ZNF430: variants seen among roughly 807,000 people sequenced by gnomAD.
The protein encoded by ZNF430 is zinc finger protein 430.
Under a neutral mutation model 56.7 loss-of-function variants are expected in ZNF430, and 35 were observed. That is an observed-to-expected ratio of 0.62 (90% CI 0.47 to 0.82). The LOEUF (loss-of-function observed/expected upper bound fraction) is 0.82, where lower values mean the gene tolerates loss of function less well. Among genes scored for constraint, ZNF430 ranks in the 40% least tolerant of loss-of-function variants. The pLI, the probability that ZNF430 is intolerant of heterozygous loss-of-function variation, is 0.00. For synonymous variants in ZNF430, 212 were observed against 224.3 expected (o/e 0.94, Z 0.49); for missense variants, 574 against 661.0 (o/e 0.87, Z 1.44).
chr19:21,033,983 T>C lies in ZNF430; in HGVS notation c.224-103T>C, dbSNP rs938298727. ...CTGTTATAAATTAGTATTTTTAGGATTAATTTTCTAGAATATTCTACCACA... is the reference window on the plus strand; with the variant it reads ...CTGTTATAAATTAGTATTTTTAGGACTAATTTTCTAGAATATTCTACCACA... On this transcript the variant is annotated intron_variant, in intron 3 of 4. Coordinates refer to ENST00000261560, the MANE Select transcript of ZNF430 (RefSeq NM_025189.4). 1.1e-5 allele frequency: 9 copies of C among 844,012 alleles called. No individual in the cohort carries two copies. In the African/African-American group the frequency reaches 1.6e-4, roughly 15 times the overall value. The allele number at this position is 844,012 out of a possible 1,614,324, so 52.3% of individuals were successfully genotyped here.
intron 4 of ZNF430, among the ~76,000 whole-genome samples, chr19:21,037,398 G>A (rs889699977): frequency 5.9e-5 from 9 of 152,152 alleles, no homozygotes; most frequent in Non-Finnish European, 1.0e-4. Flanking sequence ...GATTACAGGT[G>A]TGAGTCACAC....
chr19:21,027,615 C>T lies in ZNF430; in HGVS notation c.96+4734C>T, dbSNP rs908763043. Among the ~76,000 whole-genome samples, 4 of 151,300 alleles carry T rather than the reference C, an allele frequency of 2.6e-5. No individual in the cohort carries two copies. The East Asian group carries it at 7.8e-4, about 29-fold the overall frequency. On this transcript the variant is annotated intron_variant, in intron 2 of 4. Coordinates refer to ENST00000261560, the MANE Select transcript of ZNF430 (RefSeq NM_025189.4). ...TGAAGTTTTCTTTTTTTTTTAATCT[C>T]TGCCAGGTTTTGATATCAGAATGAT...
intron 4 of ZNF430, among the ~76,000 whole-genome samples, chr19:21,044,278 AT>A (rs1968152949): frequency 1.3e-5 from 2 of 152,114 alleles, no homozygotes; most frequent in South Asian, 4.1e-4. Flanking sequence ...TTTATTGAGC[AT>A]TTTTAACATG....
At chr19:21,046,935 C>T (rs932830937) in intron 4 of ZNF430, among the ~76,000 whole-genome samples, 1 of 152,142 alleles carries the variant, frequency 6.6e-6, no homozygotes, top group East Asian at 1.9e-4. Context: ...TGTTTTCTAA[C>T]TTGGTTCCAT....
chr19:21,040,929 C>G (rs1172209507), intron 4 of ZNF430, among the ~76,000 whole-genome samples: 3 of 152,066 alleles, frequency 2.0e-5, no homozygotes, highest in Non-Finnish European at 4.4e-5. Flanking sequence ...CATGTTAGTA[C>G]TTGACTTAAA....
At chr19:21,054,172 C>T (rs747902836) in intron 4 of ZNF430, among the ~76,000 whole-genome samples, 24 of 152,066 alleles carry the variant, frequency 1.6e-4, no homozygotes, top group South Asian at 4.2e-4. Flanking sequence ...AAAATGTTTT[C>T]TGCACCATTA....
At chr19:21,027,162 C>G (rs1967818272) in intron 2 of ZNF430, among the ~76,000 whole-genome samples, 1 of 152,044 alleles carries the variant, frequency 6.6e-6, no homozygotes, top group East Asian at 1.9e-4. Context: ...TCTGATTGCT[C>G]TGGCCAGGAT....
chr19:21,030,017 G>A (rs575809547), intron 2 of ZNF430, among the ~76,000 whole-genome samples: 21 of 151,864 alleles, frequency 1.4e-4, no homozygotes, highest in African/African-American at 4.8e-4. Flanking sequence ...TTCTAGAGCT[G>A]GTGCTCACAA....
chr19:21,027,484 C>T (rs1208409734), intron 2 of ZNF430, among the ~76,000 whole-genome samples: 1 of 152,152 alleles, frequency 6.6e-6, no homozygotes, highest in African/African-American at 2.4e-5. Context: ...CCCAGAGATG[C>T]AGCCTACTTG....
At chr19:21,052,298 T>C (rs1345171465) in intron 4 of ZNF430, among the ~76,000 whole-genome samples, 1 of 152,228 alleles carries the variant, frequency 6.6e-6, no homozygotes, top group Non-Finnish European at 1.5e-5. Flanking sequence ...CCTGATATTG[T>C]TGAGGTGTCT....
At chr19:21,029,356 T>C (rs147630501) in intron 2 of ZNF430, among the ~76,000 whole-genome samples, 30 of 151,632 alleles carry the variant, frequency 2.0e-4, no homozygotes, top group African/African-American at 7.3e-4. Context: ...TTTACTTTGC[T>C]AAGAATATAT....
Position 21,041,754 on chromosome 19 carries a change from G to A in ZNF430, c.322+7570G>A, listed in dbSNP as rs185232809. 8.7e-4 allele frequency among the ~76,000 whole-genome samples: 132 copies of A among 152,048 alleles called. 3 individuals are homozygous for A. Among genetic ancestry groups the A allele is most frequent in the Admixed American group, 5.5e-3 (84 of 15,274 alleles). The stretch of plus-strand genomic sequence containing the variant: ...TGTTGAGACAGAGTCTTGCTCTGTC[G>A]CCAGGCTGGAGTGCTGTGGCATGAT... On this transcript the variant is annotated intron_variant, in intron 4 of 4. Transcript: ENST00000261560.
intron 2 of ZNF430, among the ~76,000 whole-genome samples, chr19:21,025,645 G>T (rs113742088): frequency 0.071 from 10,785 of 151,880 alleles, 468 homozygotes; most frequent in Non-Finnish European, 0.086. Flanking sequence ...GGAGTGCAAC[G>T]GCATCATCTC....
chr19:21,054,669 C>CTTTTTTTTTTTTTTTTT lies in ZNF430; in HGVS notation c.323-1954_323-1938dup, dbSNP rs55772412. Among the ~76,000 whole-genome samples, 24 of 65,594 alleles carry CTTTTTTTTTTTTTTTTT rather than the reference C, an allele frequency of 3.7e-4. 2 individuals carry two copies. Among genetic ancestry groups the CTTTTTTTTTTTTTTTTT allele is most frequent in the African/African-American group, 1.4e-3 (22 of 15,714 alleles). The allele number at this position is 65,594 out of a possible 152,430, so 43.0% of individuals were successfully genotyped here. ...TTTTTGAGCTTCTTCATTTTTACGT[C>CTTTTTTTTTTTTTTTTT]TTTTTTTTTTTTTTTTTTTTTTTTG... is the stretch of plus-strand genomic sequence containing the variant. On this transcript the variant is annotated intron_variant, in intron 4 of 4. Coordinates refer to ENST00000261560, the MANE Select transcript of ZNF430 (RefSeq NM_025189.4).
chr19:21,055,799 C>CTG (rs957369015), intron 4 of ZNF430, among the ~76,000 whole-genome samples: 1 of 152,110 alleles, frequency 6.6e-6, no homozygotes, highest in African/African-American at 2.4e-5. Context: ...CACCTGTTTT[C>CTG]TGTGTGTGGC....
At chr19:21,056,602 G>A (rs1289676469) in intron 4 of ZNF430, 29 bp from the exon 5 acceptor site, 24 of 1,453,588 alleles carry the variant, frequency 1.7e-5, no homozygotes, top group Non-Finnish European at 2.2e-5. Context: ...CTAGTAAATG[G>A]AGTAATTTGT....
chr19:21,053,902 T>C (rs143242760), intron 4 of ZNF430, among the ~76,000 whole-genome samples: 2 of 152,274 alleles, frequency 1.3e-5, no homozygotes, highest in African/African-American at 4.8e-5. Context: ...TTTACTTCTT[T>C]CTTATTTTGT....
intron 4 of ZNF430, among the ~76,000 whole-genome samples, chr19:21,050,187 C>G (rs947617186): frequency 1.7e-4 from 8 of 46,166 alleles, no homozygotes; most frequent in Non-Finnish European, 1.0e-4. Flanking sequence ...CCCAGCCCCC[C>G]TATATTCTTC....
At chr19:21,030,026 A>C (rs755246453) in intron 2 of ZNF430, among the ~76,000 whole-genome samples, 15 of 152,154 alleles carry the variant, frequency 9.9e-5, no homozygotes, top group South Asian at 2.1e-4. Context: ...TGGTGCTCAC[A>C]ATTTTCTGAA....
Sources: gnomAD v4.1 joint callset for allele counts (sites outside exome capture counted in the v4.1 genomes callset) on GRCh38, gnomAD v4.1.1 for gene constraint, MANE v1.5 for transcripts, NCBI Gene and HGNC (gene_info 2026-07-23, HGNC 2026-07-21) for gene names.